NRG3: variants seen among roughly 807,000 people sequenced by gnomAD.
NRG3 encodes the protein pro-neuregulin-3, membrane-bound isoform.
Under a neutral mutation model 66.9 loss-of-function variants are expected in NRG3, and 31 were observed. That is an observed-to-expected ratio of 0.46 (90% confidence interval 0.35 to 0.63). The LOEUF (loss-of-function observed/expected upper bound fraction) is 0.63. Among genes scored for constraint, NRG3 ranks in the 20% least tolerant of loss-of-function variants. The pLI is 0.00. For missense variants in NRG3, 910 were observed against 878.9 expected (o/e 1.04, Z -0.45); for synonymous variants, 393 against 359.4 (o/e 1.09, Z -1.06).
intron 1 of NRG3, among the ~76,000 whole-genome samples, chr10:82,215,671 T>TATCAC (rs142264880): frequency 0.11 from 17,404 of 152,154 alleles, 1,219 homozygotes; most frequent in Admixed American, 0.21. Flanking sequence ...TCCCAACTTG[T>TATCAC]ATCACACAGG....
At chr10:82,668,211 C>A (rs1045421319) in intron 2 of NRG3, among the ~76,000 whole-genome samples, 3 of 152,120 alleles carry the variant, frequency 2.0e-5, no homozygotes, top group Non-Finnish European at 4.4e-5. Flanking sequence ...GAACTTCTGG[C>A]AGAATGTCTA....
chr10:81,990,139 C>T lies in NRG3; in HGVS notation c.823+113976C>T, dbSNP rs77922661. On this transcript the variant is annotated intron_variant, in intron 1 of 8. Transcript: ENST00000372141. ...TAAGAAGTGATTGTCCGTATCTTTACTCTTTAGATCTCAATGTTCTCATCT... is the reference window on the plus strand; with the variant it reads ...TAAGAAGTGATTGTCCGTATCTTTATTCTTTAGATCTCAATGTTCTCATCT... Among the ~76,000 whole-genome samples, 343 of 152,282 alleles carry T rather than the reference C, an allele frequency of 2.3e-3. 1 individual carries two copies. Among genetic ancestry groups the T allele is most frequent in the African/African-American group, 8.0e-3 (332 of 41,554 alleles).
At chr10:81,979,084 G>T (rs1434256351) in intron 1 of NRG3, among the ~76,000 whole-genome samples, 1 of 151,768 alleles carries the variant, frequency 6.6e-6, no homozygotes, top group Non-Finnish European at 1.5e-5. Context: ...AGCTACTTGG[G>T]AGGCTGAGGC....
At chr10:82,089,364 A>G (rs2065903414) in intron 1 of NRG3, among the ~76,000 whole-genome samples, 1 of 152,158 alleles carries the variant, frequency 6.6e-6, no homozygotes. Context: ...CTTATTGATT[A>G]TAACTGCTGG....
intron 2 of NRG3, among the ~76,000 whole-genome samples, chr10:82,448,718 T>C (rs955211327): frequency 2.0e-5 from 3 of 152,194 alleles, no homozygotes; most frequent in African/African-American, 7.2e-5. Flanking sequence ...TTATAAAAAG[T>C]TTTTGTTCAA....
At chr10:82,697,262 G>A (rs1267756312) in intron 2 of NRG3, among the ~76,000 whole-genome samples, 3 of 152,132 alleles carry the variant, frequency 2.0e-5, no homozygotes, top group Non-Finnish European at 2.9e-5. Flanking sequence ...GGATGATGAA[G>A]TAGGAAAAAG....
intron 1 of NRG3, among the ~76,000 whole-genome samples, chr10:82,106,012 T>C (rs1754542746): frequency 6.6e-6 from 1 of 152,132 alleles, no homozygotes; most frequent in Admixed American, 6.5e-5. Flanking sequence ...TCTTCTGGGG[T>C]CTAGTTATTT....
intron 3 of NRG3, among the ~76,000 whole-genome samples, chr10:82,848,892 T>C (rs546144678): frequency 4.6e-5 from 7 of 152,304 alleles, no homozygotes; most frequent in African/African-American, 1.7e-4. Context: ...TTGTTCCTTC[T>C]TTGCCTTCTG....
intron 1 of NRG3, among the ~76,000 whole-genome samples, chr10:81,970,220 G>C (rs1230398973): frequency 1.3e-5 from 2 of 152,210 alleles, no homozygotes; most frequent in Admixed American, 6.5e-5. Flanking sequence ...AGGAAGTGCT[G>C]TTATTTTTGT....
At chr10:82,695,490 CTA>C (rs1435704018) in intron 2 of NRG3, among the ~76,000 whole-genome samples, 1 of 151,948 alleles carries the variant, frequency 6.6e-6, no homozygotes, top group East Asian at 1.9e-4. Context: ...CTGGATACAG[CTA>C]TATGTGTGTG....
chr10:82,646,091 A>T (rs1009029594), intron 2 of NRG3, among the ~76,000 whole-genome samples: 3 of 152,164 alleles, frequency 2.0e-5, no homozygotes, highest in African/African-American at 7.2e-5. Flanking sequence ...ATGACAAAGA[A>T]TGAGAAGGAA....
intron 1 of NRG3, among the ~76,000 whole-genome samples, chr10:82,016,190 T>A (rs987636650): frequency 1.3e-5 from 2 of 151,980 alleles, no homozygotes; most frequent in Non-Finnish European, 2.9e-5. Flanking sequence ...GACATATAAA[T>A]CATATTAATG....
At chr10:82,837,049 A>G (rs1046713255) in intron 3 of NRG3, among the ~76,000 whole-genome samples, 8 of 152,140 alleles carry the variant, frequency 5.3e-5, no homozygotes, top group Admixed American at 2.0e-4. Flanking sequence ...AGCTTCATCC[A>G]TGGCCCTATG....
At chr10:82,917,707 A>G (rs993093872) in intron 4 of NRG3, among the ~76,000 whole-genome samples, 2 of 152,004 alleles carry the variant, frequency 1.3e-5, no homozygotes, top group Non-Finnish European at 2.9e-5. Flanking sequence ...TAAAGTTTCT[A>G]AATAATGCTA....
intron 2 of NRG3, among the ~76,000 whole-genome samples, chr10:82,374,308 A>G (rs1356811913): frequency 6.6e-6 from 1 of 152,200 alleles, no homozygotes; most frequent in East Asian, 1.9e-4. Flanking sequence ...CCCAGAGGGA[A>G]GGTCGCTTCC....
Position 82,228,797 on chromosome 10 carries a change from T to G in NRG3, c.824-129942T>G, listed in dbSNP as rs904406469. 1.1e-3 allele frequency: 164 copies of G among 152,300 alleles called. 1 individual carries two copies. Among genetic ancestry groups the G allele is most frequent in the African/African-American group, 3.7e-3 (154 of 41,564 alleles). The allele number at this position is 152,300 out of a possible 1,614,324, so 9.4% of individuals were successfully genotyped here. Reference sequence around the variant, plus strand: ...AGTATGCCATTTCAGAAGTAGATGGTATGCCCTTCTGAGAAAACAATCTCT... The same window carrying G: ...AGTATGCCATTTCAGAAGTAGATGGGATGCCCTTCTGAGAAAACAATCTCT... On this transcript the variant is annotated intron_variant, in intron 1 of 8. Coordinates refer to ENST00000372141, the MANE Select transcript of NRG3 (RefSeq NM_001010848.4).
chr10:82,916,228 G>T (rs1845818984), intron 4 of NRG3, among the ~76,000 whole-genome samples: 1 of 152,152 alleles, frequency 6.6e-6, no homozygotes, highest in Non-Finnish European at 1.5e-5. Context: ...AAGTTAGGAG[G>T]ATTGCTTGAG....
At chr10:82,099,242 A>C (rs984118383) in intron 1 of NRG3, among the ~76,000 whole-genome samples, 4 of 152,204 alleles carry the variant, frequency 2.6e-5, no homozygotes, top group African/African-American at 9.6e-5. Flanking sequence ...ACTTACAACT[A>C]TCAAAAATTT....
In NRG3 at chr10:81,875,331, G is replaced by A. The variant is rs1035066985; in HGVS notation, c.-10G>A. On this transcript the variant is annotated 5_prime_UTR_variant, in exon 1 of 9. Coordinates refer to ENST00000372141, the MANE Select transcript of NRG3 (RefSeq NM_001010848.4). The surrounding 1 kb of genome is among the most constrained non-coding windows in gnomAD (Gnocchi z 5.3). ...CCTCGGGGGGGCGAAGGTGAAGACC[G>A]GCTCCTAGGATGAGTGAAGGGGCGG... The A allele has an allele frequency of 2.0e-6, 2 of 986,098 alleles. No homozygotes were observed. The highest frequency in any genetic ancestry group is 1.2e-6 in the Non-Finnish European group (1 of 831,986). The allele number at this position is 986,098 out of a possible 1,614,324, so 61.1% of individuals were successfully genotyped here.
Sources: gnomAD v4.1 joint callset for allele counts (sites outside exome capture counted in the v4.1 genomes callset) on GRCh38, gnomAD v4.1.1 for gene constraint, Gnocchi (gnomAD v3.1) non-coding constraint, MANE v1.5 for transcripts, NCBI Gene and HGNC (gene_info 2026-07-23, HGNC 2026-07-21) for gene names.